ULK4: variants seen among roughly 807,000 people sequenced by gnomAD.
ULK4 encodes the protein unc-51 like kinase 4, also known as inactive serine/threonine-protein kinase ULK4.
ULK4 carries 133 observed loss-of-function variants against 160.6 expected under a neutral mutation model. That is an observed-to-expected ratio of 0.83 (90% CI 0.72 to 0.96). The LOEUF (loss-of-function observed/expected upper bound fraction) is 0.96. Among genes scored for constraint, ULK4 ranks in the 40% least tolerant of loss-of-function variants. The probability of loss-of-function intolerance (pLI) is 0.00; values close to 1 mark genes in which losing one functional copy is unlikely to be tolerated. For synonymous variants in ULK4, 534 were observed against 539.8 expected, an observed-to-expected ratio of 0.99 and a Z score of 0.15; for missense variants, 1,580 against 1,499.5, an observed-to-expected ratio of 1.05 and a Z score of -0.89.
At chr3:41,462,588 T>C (rs141308979) in intron 33 of ULK4, among the ~76,000 whole-genome samples, 22 of 152,248 alleles carry the variant, frequency 1.4e-4, no homozygotes, top group Non-Finnish European at 2.6e-4. Flanking sequence ...CTCAAAACCA[T>C]CTCACAAGTC....
At chr3:41,702,590 G>C (rs1258890025) in intron 27 of ULK4, among the ~76,000 whole-genome samples, 2 of 151,972 alleles carry the variant, frequency 1.3e-5, no homozygotes, top group African/African-American at 4.8e-5. Context: ...TGTTAGAATG[G>C]GACAAAGGAG....
intron 25 of ULK4, among the ~76,000 whole-genome samples, chr3:41,708,890 A>T (rs1318267709): frequency 1.3e-5 from 2 of 152,256 alleles, no homozygotes; most frequent in Admixed American, 1.3e-4. Flanking sequence ...TAAATTTTAA[A>T]ATGTTTTTAA....
chr3:41,810,613 A>C (rs943518869), intron 19 of ULK4, among the ~76,000 whole-genome samples: 8 of 152,132 alleles, frequency 5.3e-5, no homozygotes, highest in African/African-American at 1.9e-4. Context: ...TTAGGAGTTC[A>C]AGACAAGCCC....
chr3:41,949,652 C>T (rs776005488), intron 2 of ULK4, among the ~76,000 whole-genome samples: 66 of 149,362 alleles, frequency 4.4e-4, no homozygotes, highest in Non-Finnish European at 8.5e-4. Context: ...AGGCTGGTCT[C>T]GAACTCCTGA....
chr3:41,931,362 G>A (rs1716649), intron 5 of ULK4, among the ~76,000 whole-genome samples: 139,808 of 151,608 alleles, frequency 0.92, 65,451 homozygotes, highest in East Asian at 1. Context: ...GGATAGCATT[G>A]GGAGGAATAC....
intron 30 of ULK4, among the ~76,000 whole-genome samples, chr3:41,620,912 CAA>C (rs1197225325): frequency 6.6e-6 from 1 of 152,164 alleles, no homozygotes; most frequent in Non-Finnish European, 1.5e-5. Context: ...GCAACTTCAG[CAA>C]AGTCTCAGGA....
At chr3:41,809,528 T>C (rs1031177663) in intron 19 of ULK4, among the ~76,000 whole-genome samples, 2 of 152,192 alleles carry the variant, frequency 1.3e-5, no homozygotes, top group Non-Finnish European at 2.9e-5. Context: ...TGTGGTGCTA[T>C]GTTTAGTTCT....
intron 27 of ULK4, among the ~76,000 whole-genome samples, chr3:41,689,446 T>C (rs2036209094): frequency 1.3e-5 from 2 of 152,190 alleles, no homozygotes; most frequent in Non-Finnish European, 2.9e-5. Flanking sequence ...CTTCAATCAC[T>C]TGCAACTTTA....
At chr3:41,310,863 T>C (rs934029068) in intron 35 of ULK4, among the ~76,000 whole-genome samples, 1 of 151,914 alleles carries the variant, frequency 6.6e-6, no homozygotes, top group Admixed American at 6.6e-5. Context: ...TGTGGTGATA[T>C]GTGCCTGTAG....
chr3:41,502,710 T>C (rs918164859), intron 32 of ULK4, among the ~76,000 whole-genome samples: 2 of 152,236 alleles, frequency 1.3e-5, no homozygotes, highest in Non-Finnish European at 2.9e-5. Context: ...ACATATTGTA[T>C]GATTCCATTT....
intron 32 of ULK4, among the ~76,000 whole-genome samples, chr3:41,480,243 A>C (rs945054527): frequency 2.6e-5 from 4 of 151,890 alleles, no homozygotes; most frequent in Non-Finnish European, 5.9e-5. Flanking sequence ...TCATACAGAC[A>C]ATGAGAAGTT....
At chr3:41,775,824 A>C (rs1421499661) in intron 21 of ULK4, among the ~76,000 whole-genome samples, 1 of 150,732 alleles carries the variant, frequency 6.6e-6, no homozygotes, top group Non-Finnish European at 1.5e-5. Flanking sequence ...TCTTTATGAG[A>C]TTTATCCATG....
chr3:41,422,042 T>C (rs2082675543), intron 34 of ULK4, among the ~76,000 whole-genome samples: 1 of 152,126 alleles, frequency 6.6e-6, no homozygotes, highest in South Asian at 2.1e-4. Flanking sequence ...CCCTCCTAAC[T>C]GCTTGTGAAA....
chr3:41,622,680 T>C (rs973787083), intron 30 of ULK4, among the ~76,000 whole-genome samples: 6 of 152,282 alleles, frequency 3.9e-5, no homozygotes, highest in East Asian at 1.9e-4. Context: ...GATGGGTTGA[T>C]AGGTGTAGCA....
At chr3:41,398,289 T>C (rs1227488032) in intron 34 of ULK4, 25 bp from the exon 35 acceptor site, 35 of 1,604,290 alleles carry the variant, frequency 2.2e-5, no homozygotes, top group Non-Finnish European at 2.9e-5. Flanking sequence ...ATAAGACTAT[T>C]TAAATTTCCT....
At chr3:41,531,953 T>C (rs1046140675) in intron 32 of ULK4, among the ~76,000 whole-genome samples, 5 of 152,212 alleles carry the variant, frequency 3.3e-5, no homozygotes, top group Non-Finnish European at 5.9e-5. Context: ...TTTTCTAACC[T>C]AGATTATGAT....
intron 31 of ULK4, among the ~76,000 whole-genome samples, chr3:41,575,529 G>A (rs1161933669): frequency 1.3e-5 from 2 of 152,256 alleles, no homozygotes; most frequent in South Asian, 2.1e-4. Context: ...TTTATATGGG[G>A]CATCATCATT....
intron 9 of ULK4, among the ~76,000 whole-genome samples, chr3:41,912,511 A>G (rs1231279500): frequency 6.6e-6 from 1 of 152,190 alleles, no homozygotes; most frequent in East Asian, 1.9e-4. Flanking sequence ...CATAAAGAGG[A>G]GAAAAAAGAT....
intron 9 of ULK4, among the ~76,000 whole-genome samples, chr3:41,912,350 T>TC (rs923486456): frequency 4.7e-5 from 6 of 128,374 alleles, no homozygotes; most frequent in African/African-American, 1.9e-4. Flanking sequence ...AAAAAAAAAA[T>TC]CCAGGTTGGA....
Sources: gnomAD v4.1 joint callset for allele counts (sites outside exome capture counted in the v4.1 genomes callset) on GRCh38, gnomAD v4.1.1 for gene constraint, MANE v1.5 for transcripts, NCBI Gene and HGNC (gene_info 2026-07-23, HGNC 2026-07-21) for gene names.